Variants in MYO10 observed in about 807,000 individuals in gnomAD.
MYO10 encodes myosin X.
In MYO10, 133 loss-of-function variants were observed where a neutral mutation model predicts 257.3. That is an observed-to-expected ratio of 0.52 (90% CI 0.45 to 0.60). The LOEUF (loss-of-function observed/expected upper bound fraction) is 0.60, where lower values mean the gene tolerates loss of function less well. MYO10 is among the 20% of genes least tolerant of loss of function. The pLI is 0.00. For missense variants in MYO10, 2,399 were observed against 2,635.7 expected, an observed-to-expected ratio of 0.91 and a Z score of 1.97; for synonymous variants, 1,104 against 1,028.6, an observed-to-expected ratio of 1.07 and a Z score of -1.40.
At chr5:16,749,385 G>A (rs2126638973) in intron 19 of MYO10, among the ~76,000 whole-genome samples, 1 of 152,038 alleles carries the variant, frequency 6.6e-6, no homozygotes, top group African/African-American at 2.4e-5. Flanking sequence ...TACTTGGAAG[G>A]CTGAGGCAGG....
At chr5:16,778,120 G>T (rs60716563) in intron 9 of MYO10, among the ~76,000 whole-genome samples, 3,698 of 152,062 alleles carry the variant, frequency 0.024, 157 homozygotes, top group African/African-American at 0.084. Context: ...AAAGTGCTGG[G>T]ATTACAGGCA....
intron 2 of MYO10, among the ~76,000 whole-genome samples, chr5:16,871,593 C>T (rs930123884): frequency 1.3e-5 from 2 of 151,462 alleles, no homozygotes; most frequent in Non-Finnish European, 2.9e-5. Flanking sequence ...GGTAACTGAG[C>T]AAAATCCTGT....
At chr5:16,913,642 C>G (rs1745734358) in intron 1 of MYO10, among the ~76,000 whole-genome samples, 2 of 152,284 alleles carry the variant, frequency 1.3e-5, no homozygotes, top group Middle Eastern at 3.4e-3. Flanking sequence ...CAACCCCAGG[C>G]AGTGGACAAA....
chr5:16,874,975 T>C (rs924509458), intron 2 of MYO10, among the ~76,000 whole-genome samples: 14 of 151,914 alleles, frequency 9.2e-5, no homozygotes, highest in African/African-American at 3.4e-4. Context: ...AGGCGGCAAA[T>C]GAGGAAGAAG....
At chr5:16,782,399 C>G (rs957652064) in intron 5 of MYO10, among the ~76,000 whole-genome samples, 4 of 152,160 alleles carry the variant, frequency 2.6e-5, no homozygotes, top group Non-Finnish European at 5.9e-5. Context: ...AAACACTACT[C>G]ATGAGTGTGG....
intron 3 of MYO10, among the ~76,000 whole-genome samples, chr5:16,812,192 G>T (rs1371543336): frequency 6.6e-6 from 1 of 152,188 alleles, no homozygotes; most frequent in African/African-American, 2.4e-5. Context: ...GTCTTGAAGT[G>T]GCCAGAGGAA....
chr5:16,935,441 T>C (rs192418038), intron 1 of MYO10, among the ~76,000 whole-genome samples: 57 of 152,212 alleles, frequency 3.7e-4, no homozygotes, highest in African/African-American at 1.3e-3. Context: ...TTGGGCTTCC[T>C]GCACCCGGGC....
chr5:16,845,956 C>T (rs1368099183), intron 2 of MYO10, among the ~76,000 whole-genome samples: 1 of 151,520 alleles, frequency 6.6e-6, no homozygotes, highest in Non-Finnish European at 1.5e-5. Context: ...GAGCGAGACT[C>T]TGTCTCAAAA....
intron 2 of MYO10, among the ~76,000 whole-genome samples, chr5:16,858,147 T>C (rs1744011898): frequency 6.6e-6 from 1 of 152,348 alleles, no homozygotes; most frequent in South Asian, 2.1e-4. Context: ...AAGAGGCCGA[T>C]GAATGGGCAT....
chr5:16,841,090 A>G (rs1172486527), intron 2 of MYO10, among the ~76,000 whole-genome samples: 1 of 151,540 alleles, frequency 6.6e-6, no homozygotes, highest in African/African-American at 2.4e-5. Flanking sequence ...GATTGCAGTG[A>G]GCCGAGATCT....
At chr5:16,835,499 T>G (rs1342020744) in intron 2 of MYO10, among the ~76,000 whole-genome samples, 2 of 145,334 alleles carry the variant, frequency 1.4e-5, no homozygotes, top group African/African-American at 2.5e-5. Context: ...GCTGTTTTTT[T>G]TTTTTTTTTT....
intron 19 of MYO10, among the ~76,000 whole-genome samples, chr5:16,742,606 G>A (rs1740053779): frequency 6.6e-6 from 1 of 151,980 alleles, no homozygotes; most frequent in South Asian, 2.1e-4. Context: ...GATCATTTGA[G>A]GTCAGGAGTT....
chr5:16,767,936 C>T (rs1740927529), intron 10 of MYO10, among the ~76,000 whole-genome samples: 1 of 152,080 alleles, frequency 6.6e-6, no homozygotes, highest in South Asian at 2.1e-4. Context: ...CCTCATCCTC[C>T]CAAAGTGCTA....
In MYO10 at chr5:16,681,375, C is replaced by T; in HGVS notation, c.4318G>A (p.Gly1440Arg). Reference protein sequence around the residue: ...KSSEKNALKLGTLVLNSLCSV... With the variant: ...KSSEKNALKLRTLVLNSLCSV... ...CAGAGGCTGTTGAGGACCAGGGTCC[C>T]CAGTTTGAGCGCGTTCTTCTCTGAA... is the stretch of plus-strand genomic sequence containing the variant. Residue 1440 changes from glycine to arginine, a missense_variant, in exon 32 of 41, where the codon GGG (glycine) becomes AGG (arginine). Coordinates refer to ENST00000513610, the MANE Select transcript of MYO10 (RefSeq NM_012334.3). 6.2e-7 allele frequency: 1 copy of T among 1,613,924 alleles called. No individual in the cohort carries two copies. The highest frequency in any genetic ancestry group is 2.2e-5 in the East Asian group (1 of 44,874).
In MYO10 at chr5:16,840,826, T is replaced by C. The variant is rs1375682353; in HGVS notation, c.121-22659A>G. Among the ~76,000 whole-genome samples, 3 of 152,104 alleles carry C rather than the reference T, an allele frequency of 2.0e-5. No homozygotes were observed. In the East Asian group the frequency reaches 5.8e-4, roughly 29 times the overall value. ...AGGAGATCCAACATAGGGAGAGTTA[T>C]CTTTAAAATTTTTTTTAAAAAAGGA... On this transcript the variant is annotated intron_variant, in intron 2 of 40. Transcript: ENST00000513610.
chr5:16,674,006 T>A (rs937162064), intron 35 of MYO10, 117 bp from the exon 36 acceptor site: 4 of 837,548 alleles, frequency 4.8e-6, no homozygotes, highest in Non-Finnish European at 7.7e-6. Flanking sequence ...CACTGGTGAA[T>A]GGAGCAAGCA....
chr5:16,917,459 C>T (rs1262678164), intron 1 of MYO10, among the ~76,000 whole-genome samples: 1 of 152,174 alleles, frequency 6.6e-6, no homozygotes, highest in African/African-American at 2.4e-5. Flanking sequence ...CACCAGTAGT[C>T]ACCTCCCATC....
chr5:16,755,367 G>A (rs1203042624), intron 18 of MYO10, among the ~76,000 whole-genome samples: 2 of 152,250 alleles, frequency 1.3e-5, no homozygotes, highest in East Asian at 1.9e-4. Flanking sequence ...CGGTTTCACC[G>A]TGTTAGCCAG....
At chr5:16,882,143 C>A (rs539494648) in intron 1 of MYO10, among the ~76,000 whole-genome samples, 1 of 152,174 alleles carries the variant, frequency 6.6e-6, no homozygotes, top group Non-Finnish European at 1.5e-5. Flanking sequence ...GCATAAATTC[C>A]TATCCCCCTT....
Sources: gnomAD v4.1 joint callset for allele counts (sites outside exome capture counted in the v4.1 genomes callset) on GRCh38, gnomAD v4.1.1 for gene constraint, MANE v1.5 for transcripts, NCBI Gene and HGNC (gene_info 2026-07-23, HGNC 2026-07-21) for gene names.